The following CCDC141 variants were observed in gnomAD, a reference collection of about 807,000 sequenced individuals.
The protein encoded by CCDC141 is coiled-coil domain-containing protein 141.
In CCDC141, 168 loss-of-function variants were observed where a neutral mutation model predicts 181.0. That is an observed-to-expected ratio of 0.93 (90% CI 0.82 to 1.05). CCDC141 has a LOEUF of 1.05. CCDC141 is among the 50% of genes least tolerant of loss of function. The pLI, the probability that CCDC141 is intolerant of heterozygous loss-of-function variation, is 0.00. For synonymous variants in CCDC141, 666 were observed against 642.3 expected, an observed-to-expected ratio of 1.04 and a Z score of -0.56; for missense variants, 1,902 against 1,788.5, an observed-to-expected ratio of 1.06 and a Z score of -1.14.
intron 2 of CCDC141, among the ~76,000 whole-genome samples, chr2:179,004,365 C>T (rs941322406): frequency 2.0e-5 from 3 of 152,120 alleles, no homozygotes; most frequent in African/African-American, 7.2e-5. Context: ...TCTTCTAATG[C>T]TAATAATTTT....
chr2:178,849,998 C>T (rs771064819), intron 21 of CCDC141, 51 bp downstream of exon 21: 2 of 1,002,334 alleles, frequency 2.0e-6, no homozygotes, highest in South Asian at 2.8e-5. Flanking sequence ...TTGATTAACA[C>T]ATTTTTATTT....
intron 4 of CCDC141, among the ~76,000 whole-genome samples, chr2:178,968,039 A>G (rs1476581362): frequency 1.3e-5 from 2 of 152,226 alleles, no homozygotes; most frequent in Non-Finnish European, 2.9e-5. Context: ...AGAGCTAACT[A>G]TCCTAAATAT....
At chr2:179,008,106 C>G (rs780141368) in intron 2 of CCDC141, among the ~76,000 whole-genome samples, 1 of 152,140 alleles carries the variant, frequency 6.6e-6, no homozygotes, top group Non-Finnish European at 1.5e-5. Context: ...TTAAAATGAA[C>G]AGAACTGCTG....
the CCDC141 span, among the ~76,000 whole-genome samples, chr2:178,822,382 T>C: frequency 6.7e-6 from 1 of 150,372 alleles, no homozygotes; most frequent in African/African-American, 2.5e-5. Flanking sequence ...GTTGTGAACA[T>C]GTACCCTAGA....
At chr2:178,993,758 G>T (rs559513979) in intron 2 of CCDC141, among the ~76,000 whole-genome samples, 6 of 152,262 alleles carry the variant, frequency 3.9e-5, no homozygotes, top group African/African-American at 1.4e-4. Flanking sequence ...AAAATCAAAA[G>T]CAGTTAATTA....
chr2:178,966,604 C>T (rs1690644443), intron 4 of CCDC141, among the ~76,000 whole-genome samples: 1 of 152,156 alleles, frequency 6.6e-6, no homozygotes, highest in African/African-American at 2.4e-5. Flanking sequence ...AGGTCACCAA[C>T]ATCAAAGGCC....
At chr2:179,018,107 T>G (rs956023178) in intron 2 of CCDC141, among the ~76,000 whole-genome samples, 1 of 152,150 alleles carries the variant, frequency 6.6e-6, no homozygotes, top group African/African-American at 2.4e-5. Flanking sequence ...ATGCACTCTG[T>G]CTTTTTAAGT....
At chr2:178,845,164 A>G (rs554882160) in intron 22 of CCDC141, among the ~76,000 whole-genome samples, 1 of 152,328 alleles carries the variant, frequency 6.6e-6, no homozygotes, top group East Asian at 1.9e-4. Flanking sequence ...TTAGAGGTAG[A>G]GTCTATGGGA....
intron 2 of CCDC141, among the ~76,000 whole-genome samples, chr2:178,994,868 C>G (rs1340229522): frequency 6.6e-6 from 1 of 152,204 alleles, no homozygotes; most frequent in Non-Finnish European, 1.5e-5. Flanking sequence ...TGTCAGCAGT[C>G]TCTTTGCTCA....
chr2:178,851,879 C>T (rs1407606787), intron 20 of CCDC141, among the ~76,000 whole-genome samples: 2 of 152,114 alleles, frequency 1.3e-5, no homozygotes, highest in Admixed American at 1.3e-4. Flanking sequence ...TAATTTTTTG[C>T]ATGAAAATTC....
intron 2 of CCDC141, among the ~76,000 whole-genome samples, chr2:178,980,182 C>T (rs879933927): frequency 6.6e-6 from 1 of 152,102 alleles, no homozygotes; most frequent in Non-Finnish European, 1.5e-5. Context: ...AGGGACCATT[C>T]CTGTAGAGAA....
chr2:178,824,883 G>A (rs1229975781), downstream of CCDC141, among the ~76,000 whole-genome samples: 2 of 152,060 alleles, frequency 1.3e-5, no homozygotes, highest in Non-Finnish European at 2.9e-5. Flanking sequence ...GTGCTCTACT[G>A]TTTATACTAC....
chr2:178,849,640 T>C (rs1685080787), intron 21 of CCDC141, among the ~76,000 whole-genome samples: 2 of 152,208 alleles, frequency 1.3e-5, no homozygotes, highest in African/African-American at 4.8e-5. Context: ...TGAATGAATA[T>C]AATACCTGAA....
At chr2:178,844,650 A>G (rs1435565314) in intron 22 of CCDC141, among the ~76,000 whole-genome samples, 1 of 152,218 alleles carries the variant, frequency 6.6e-6, no homozygotes, top group Non-Finnish European at 1.5e-5. Context: ...AGGCCTTGAC[A>G]TAGATTAACC....
intron 17 of CCDC141, among the ~76,000 whole-genome samples, chr2:178,858,883 A>T (rs1302680653): frequency 6.6e-6 from 1 of 152,170 alleles, no homozygotes; most frequent in Admixed American, 6.6e-5. Context: ...GGAAAGTTCA[A>T]TGTCTATTTG....
intron 8 of CCDC141, among the ~76,000 whole-genome samples, chr2:178,889,986 C>G (rs1687070328): frequency 6.6e-6 from 1 of 152,100 alleles, no homozygotes. Context: ...TTTGACTAGG[C>G]TTTAGACTTT....
At chr2:178,921,877 C>G (rs1688705583) in intron 6 of CCDC141, among the ~76,000 whole-genome samples, 1 of 152,188 alleles carries the variant, frequency 6.6e-6, no homozygotes, top group African/African-American at 2.4e-5. Flanking sequence ...CTTCTTCTGT[C>G]TGTTCAGATC....
At chr2:178,981,683 T>TATATATATATATATATATATAG (rs1218312881) in intron 2 of CCDC141, among the ~76,000 whole-genome samples, 1 of 119,598 alleles carries the variant, frequency 8.4e-6, no homozygotes, top group Non-Finnish European at 1.7e-5. Context: ...TATATATATA[T>TATATATATATATATATATATAG]AGAGAGAGAG....
At chr2:178,950,334 T>G (rs929052283) in intron 5 of CCDC141, among the ~76,000 whole-genome samples, 14 of 149,862 alleles carry the variant, frequency 9.3e-5, no homozygotes, top group Admixed American at 2.0e-4. Flanking sequence ...GGGCTTTGGG[T>G]TTTTTTTTCT....
Sources: gnomAD v4.1 joint callset for allele counts (sites outside exome capture counted in the v4.1 genomes callset) on GRCh38, gnomAD v4.1.1 for gene constraint, MANE v1.5 for transcripts, NCBI Gene and HGNC (gene_info 2026-07-23, HGNC 2026-07-21) for gene names.